The following DPYD variants were observed in gnomAD, a reference collection of about 807,000 sequenced individuals.
DPYD encodes the protein dihydropyrimidine dehydrogenase.
Under a neutral mutation model 116.2 loss-of-function variants are expected in DPYD, and 109 were observed. That is an observed-to-expected ratio of 0.94 (90% CI 0.80 to 1.10). DPYD has a LOEUF of 1.10. DPYD is among the 50% of genes least tolerant of loss of function. The pLI, the probability that DPYD is intolerant of heterozygous loss-of-function variation, is 0.00. For synonymous variants in DPYD, 440 were observed against 432.0 expected, an observed-to-expected ratio of 1.02 and a Z score of -0.23; for missense variants, 1,302 against 1,254.5, an observed-to-expected ratio of 1.04 and a Z score of -0.57.
chr1:97,898,917 T>C (rs565148051), intron 1 of DPYD, among the ~76,000 whole-genome samples: 2 of 151,920 alleles, frequency 1.3e-5, no homozygotes, highest in Non-Finnish European at 2.9e-5. Flanking sequence ...TGTGGAACTC[T>C]GAATCCATCA....
chr1:97,682,268 G>T (rs139184253), intron 7 of DPYD, among the ~76,000 whole-genome samples: 210 of 151,946 alleles, frequency 1.4e-3, no homozygotes, highest in African/African-American at 4.7e-3. Context: ...TGAATCTACT[G>T]GGATGGAGAC....
At position 97,392,797 on chromosome 1, in the gene DPYD, C is replaced by A. The variant is rs558196411; in HGVS notation, c.1906-10336G>T. Among the ~76,000 whole-genome samples, 3 of 152,150 alleles carry A rather than the reference C, an allele frequency of 2.0e-5. No homozygotes were observed. In the East Asian group the frequency reaches 5.8e-4, roughly 30 times the overall value. The stretch of plus-strand genomic sequence containing the variant: ...AGGAATTCAGTCACATCCTTAGGCT[C>A]CACTTCTCATTATTGTTCTCTTGCT... On this transcript the variant is annotated intron_variant, in intron 14 of 22. Coordinates refer to ENST00000370192, the MANE Select transcript of DPYD (RefSeq NM_000110.4).
At chr1:97,546,543 G>T in intron 12 of DPYD, 1 of 1,597,206 alleles carries the variant, frequency 6.3e-7, no homozygotes. Flanking sequence ...AAAGCATACA[G>T]CAAGAAGAGA....
intron 1 of DPYD, among the ~76,000 whole-genome samples, chr1:97,903,082 A>G (rs1054096663): frequency 6.6e-6 from 1 of 151,946 alleles, no homozygotes; most frequent in African/African-American, 2.4e-5. Flanking sequence ...ATGGAAATTA[A>G]TAAGTTTGCC....
At chr1:97,780,180 C>G (rs755357566) in intron 3 of DPYD, among the ~76,000 whole-genome samples, 1 of 152,112 alleles carries the variant, frequency 6.6e-6, no homozygotes, top group Non-Finnish European at 1.5e-5. Context: ...CCTTTGTGTT[C>G]TTTTCGAATT....
intron 1 of DPYD, among the ~76,000 whole-genome samples, chr1:97,893,757 CAAGGT>C (rs1226974393): frequency 1.3e-5 from 2 of 151,720 alleles, no homozygotes; most frequent in South Asian, 2.1e-4. Context: ...TCACACTCAA[CAAGGT>C]AAGGTGAGCC....
At chr1:97,519,464 G>T (rs1648480612) in intron 12 of DPYD, among the ~76,000 whole-genome samples, 1 of 152,098 alleles carries the variant, frequency 6.6e-6, no homozygotes, top group Admixed American at 6.6e-5. Context: ...TACAAGATGA[G>T]ATTTGAGTGG....
chr1:97,466,560 T>C (rs1382115622), intron 13 of DPYD, among the ~76,000 whole-genome samples: 1 of 152,158 alleles, frequency 6.6e-6, no homozygotes, highest in Non-Finnish European at 1.5e-5. Flanking sequence ...ATTTTTATAG[T>C]GCTCTATAAT....
rs569497670 is a variant in DPYD, at chr1:97,431,353, C to A, written c.1905+18706G>T. The stretch of plus-strand genomic sequence containing the variant: ...CAATGTGATTGAGAATGACTGGAGT[C>A]TGGCATAGGGGCCTGCTTTTAAAAT... On this transcript the variant is annotated intron_variant, in intron 14 of 22. Coordinates refer to ENST00000370192, the MANE Select transcript of DPYD (RefSeq NM_000110.4). Among the ~76,000 whole-genome samples the A allele has an allele frequency of 3.3e-5, 5 of 152,256 alleles. 1 individual carries two copies. The South Asian group carries it at 1.0e-3, about 32-fold the overall frequency.
intron 16 of DPYD, among the ~76,000 whole-genome samples, chr1:97,344,444 G>C (rs542641620): frequency 2.0e-5 from 3 of 151,824 alleles, no homozygotes; most frequent in African/African-American, 7.2e-5. Context: ...CCCAGTACCA[G>C]AGGTTCTAAA....
chr1:97,617,844 A>C (rs1354720548), intron 8 of DPYD, among the ~76,000 whole-genome samples: 5 of 152,212 alleles, frequency 3.3e-5, no homozygotes, highest in African/African-American at 9.6e-5. Flanking sequence ...TACACGCATT[A>C]AAGTTTAAGA....
chr1:97,290,395 A>G (rs1666057996), intron 18 of DPYD, among the ~76,000 whole-genome samples: 1 of 152,170 alleles, frequency 6.6e-6, no homozygotes, highest in Non-Finnish European at 1.5e-5. Flanking sequence ...CTAAGCCAAA[A>G]CAACAAAGCT....
intron 20 of DPYD, among the ~76,000 whole-genome samples, chr1:97,100,805 A>T (rs1242073324): frequency 6.6e-6 from 1 of 152,104 alleles, no homozygotes; most frequent in Non-Finnish European, 1.5e-5. Flanking sequence ...AGAACAATAA[A>T]TTTTTGAAAA....
intron 11 of DPYD, among the ~76,000 whole-genome samples, chr1:97,552,673 TTTAA>T (rs1405098049): frequency 1.3e-5 from 2 of 152,070 alleles, no homozygotes; most frequent in Non-Finnish European, 2.9e-5. Context: ...TATCAACTGT[TTTAA>T]TTATTTTATC....
In DPYD at chr1:97,699,531, C is replaced by A. The variant is rs775526810; in HGVS notation, c.500G>T (p.Ser167Ile). The A allele has an allele frequency of 1.9e-6, 3 of 1,613,408 alleles. No homozygotes were observed. In the African/African-American group the frequency reaches 4.0e-5, roughly 22 times the overall value. The change falls in exon 6 of 23, where the codon AGT (serine) becomes ATT (isoleucine). Residue 167 changes from serine to isoleucine, a missense_variant. Transcript: ENST00000370192. ...QFATEVFKAM[S>I]IPQIRNPSLP... ...CGAAGGATTTCTGATCTGTGGGATA[C>A]TCATTGCTTTGAATACCTACGGGGA...
Position 97,740,495 on chromosome 1 carries a change from A to T in DPYD, c.234-16T>A. 5 of 1,603,974 alleles carry T rather than the reference A, an allele frequency of 3.1e-6. No homozygotes were observed. Among genetic ancestry groups the T allele is most frequent in the Non-Finnish European group, 4.3e-6 (5 of 1,171,940 alleles). ...TTTCAGGCATCTAGGAAATAAAATA[A>T]CTATGTTAAGAAACTACAAGATAAG... On this transcript the variant is annotated splice_polypyrimidine_tract_variant and intron_variant, in intron 3 of 22. Transcript: ENST00000370192.
intron 3 of DPYD, among the ~76,000 whole-genome samples, chr1:97,795,596 C>A (rs1284841730): frequency 6.6e-6 from 1 of 151,928 alleles, no homozygotes. Context: ...TTACCTTTGT[C>A]TTAGCAACTT....
At chr1:97,225,124 C>T (rs545333801) in intron 19 of DPYD, among the ~76,000 whole-genome samples, 16 of 151,970 alleles carry the variant, frequency 1.1e-4, no homozygotes, top group African/African-American at 3.6e-4. Flanking sequence ...GAAGAAGGAT[C>T]GCTAGGTCAC....
chr1:97,864,709 A>G (rs1558017215), intron 2 of DPYD, among the ~76,000 whole-genome samples: 2 of 151,966 alleles, frequency 1.3e-5, no homozygotes, highest in African/African-American at 4.8e-5. Context: ...AGGTATCCAC[A>G]GTGCCAAATT....
Sources: allele counts gnomAD v4.1 joint callset (sites outside exome capture counted in the v4.1 genomes callset), GRCh38; gene constraint gnomAD v4.1.1; transcripts MANE v1.5; gene names NCBI Gene and HGNC (gene_info 2026-07-23, HGNC 2026-07-21).